Variants in RALGPS1 observed in about 807,000 individuals in gnomAD.
The protein encoded by RALGPS1 is Ral GEF with PH domain and SH3 binding motif 1.
In RALGPS1, 19 loss-of-function variants were observed where a neutral mutation model predicts 78.8. The ratio of observed to expected loss-of-function variants is 0.24; its 90% CI spans 0.17 to 0.35. The LOEUF is 0.35. Ranked by LOEUF, RALGPS1 falls within the 10% of genes least tolerant of loss-of-function variation. The pLI, the probability that RALGPS1 is intolerant of heterozygous loss-of-function variation, is 1.00. For synonymous variants in RALGPS1, 228 were observed against 256.3 expected, an observed-to-expected ratio of 0.89 and a Z score of 1.06; for missense variants, 454 against 688.3, an observed-to-expected ratio of 0.66 and a Z score of 3.81.
At chr9:126,970,928 T>A (rs913277641) in intron 3 of RALGPS1, among the ~76,000 whole-genome samples, 4 of 152,070 alleles carry the variant, frequency 2.6e-5, no homozygotes, top group Non-Finnish European at 5.9e-5. Flanking sequence ...AGCTAAGAGA[T>A]GTTAAGATCA....
intron 8 of RALGPS1, among the ~76,000 whole-genome samples, chr9:127,124,600 A>G (rs2056465295): frequency 6.6e-6 from 1 of 152,232 alleles, no homozygotes; most frequent in African/African-American, 2.4e-5. Context: ...AATTTGTTAC[A>G]CAGCATTAGT....
intron 1 of RALGPS1, among the ~76,000 whole-genome samples, chr9:126,953,886 T>A (rs1466049861): frequency 3.3e-5 from 5 of 152,180 alleles, no homozygotes; most frequent in Non-Finnish European, 7.3e-5. Flanking sequence ...TGCTGCTGTG[T>A]CCCCAGAGCC....
At position 126,977,639 on chromosome 9, in the gene RALGPS1, A is replaced by G; in HGVS notation, c.166-56A>G. On this transcript the variant is annotated intron_variant, in intron 3 of 18. Transcript: ENST00000259351. ...TGTATATGACTCTGTATAAAGTAAC[A>G]TGACAGTTATCTTTGATGTACAGTA... 4 of 1,245,356 alleles carry G rather than the reference A, an allele frequency of 3.2e-6. 1 individual carries two copies. The highest frequency in any genetic ancestry group is 2.6e-5 in the South Asian group (2 of 76,374). 77.1% of individuals were successfully genotyped at this position (1,245,356 alleles called of 1,614,324 possible).
rs945209720 is a variant in RALGPS1, at chr9:127,196,529, A to T, written c.1093A>T (p.Lys365Ter). 12 of 1,614,086 alleles carry T rather than the reference A, an allele frequency of 7.4e-6. No homozygotes were observed. The Admixed American group carries it at 1.3e-4, about 18-fold the overall frequency. Residue 365 changes from lysine to a stop codon, truncating the protein, a stop_gained, in exon 13 of 19, where the codon AAA (lysine) becomes TAA (stop). Coordinates refer to ENST00000259351, the MANE Select transcript of RALGPS1 (RefSeq NM_014636.3). LOFTEE classifies it high-confidence loss of function. ...TAAAAGTGCGACATTCCCATCGGAG[A>T]AAGCAAGGCACCTACTGGACGACAG... is the stretch of plus-strand genomic sequence containing the variant. Reference protein sequence around the residue: ...ESKSATFPSEKARHLLDDSVL... With the variant: ...ESKSATFPSE
At chr9:126,982,901 T>C (rs1034277368) in intron 4 of RALGPS1, among the ~76,000 whole-genome samples, 4 of 102,590 alleles carry the variant, frequency 3.9e-5, no homozygotes, top group Admixed American at 1.2e-4. Context: ...CTTCTCTTCT[T>C]TTCTTCTTCT....
intron 1 of RALGPS1, among the ~76,000 whole-genome samples, chr9:126,945,116 T>C (rs1481816938): frequency 6.6e-6 from 1 of 152,140 alleles, no homozygotes; most frequent in Admixed American, 6.5e-5. Context: ...AGTGGGCCAC[T>C]GTACTCCTTC....
At chr9:127,184,313 T>G in intron 11 of RALGPS1, 1 of 357,280 alleles carries the variant, frequency 2.8e-6, no homozygotes, top group Non-Finnish European at 5.3e-6. Context: ...GAGCAAGACC[T>G]TGTCTCAGGA....
At chr9:127,193,600 G>T (rs2061195216) in intron 11 of RALGPS1, among the ~76,000 whole-genome samples, 1 of 152,124 alleles carries the variant, frequency 6.6e-6, no homozygotes, top group South Asian at 2.1e-4. Context: ...ACAGTATACG[G>T]GCTGGGGGTG....
At chr9:127,210,604 A>G in intron 14 of RALGPS1, 1 of 954,090 alleles carries the variant, frequency 1.0e-6, no homozygotes, top group Non-Finnish European at 1.6e-6. Context: ...TTCCTGAGCT[A>G]ATTGACTATG....
At chr9:127,151,760 T>C (rs1400122286) in intron 8 of RALGPS1, among the ~76,000 whole-genome samples, 1 of 152,202 alleles carries the variant, frequency 6.6e-6, no homozygotes, top group African/African-American at 2.4e-5. Context: ...TATCTAGGGA[T>C]AGATAGATCT....
chr9:126,982,922 CTTCTTCTTTTTTTT>C (rs1352748383), intron 4 of RALGPS1, among the ~76,000 whole-genome samples: 3 of 71,130 alleles, frequency 4.2e-5, no homozygotes, highest in Non-Finnish European at 9.4e-5. Flanking sequence ...TCTTCTTCTT[CTTCTTCTTTTTTTT>C]TTTTTTTTTT....
At chr9:127,138,015 T>C (rs906995383) in intron 8 of RALGPS1, among the ~76,000 whole-genome samples, 2 of 152,152 alleles carry the variant, frequency 1.3e-5, no homozygotes, top group Non-Finnish European at 2.9e-5. Context: ...AGTGGCTGAT[T>C]ATCACAAAGG....
chr9:127,116,181 T>C (rs1265332128), intron 8 of RALGPS1, among the ~76,000 whole-genome samples: 2 of 152,096 alleles, frequency 1.3e-5, no homozygotes, highest in Non-Finnish European at 2.9e-5. Flanking sequence ...GTAAGACAGA[T>C]TTGCCTGGAG....
At chr9:127,131,885 A>G (rs988200068) in intron 8 of RALGPS1, among the ~76,000 whole-genome samples, 1 of 152,160 alleles carries the variant, frequency 6.6e-6, no homozygotes, top group Non-Finnish European at 1.5e-5. Flanking sequence ...TTTGCGCTTC[A>G]AGATCAACTG....
At chr9:127,207,499 AAAACAAACAAAC>A (rs369601624) in intron 14 of RALGPS1, among the ~76,000 whole-genome samples, 35 of 152,306 alleles carry the variant, frequency 2.3e-4, no homozygotes, top group Non-Finnish European at 4.4e-4. Context: ...CAGTTACCAA[AAAACAAACAAAC>A]AAACAAACAA....
At chr9:127,079,399 G>A (rs2050968130) in intron 8 of RALGPS1, among the ~76,000 whole-genome samples, 1 of 152,184 alleles carries the variant, frequency 6.6e-6, no homozygotes, top group African/African-American at 2.4e-5. Context: ...CTCTTCAGAT[G>A]GCCCCCGATG....
At chr9:126,968,746 AT>A (rs1476876887) in intron 3 of RALGPS1, among the ~76,000 whole-genome samples, 1 of 152,182 alleles carries the variant, frequency 6.6e-6, no homozygotes, top group African/African-American at 2.4e-5. Context: ...TACATATGCA[AT>A]TTAAAATTTT....
chr9:126,930,738 C>T (rs1032337237), intron 1 of RALGPS1, among the ~76,000 whole-genome samples: 2 of 152,202 alleles, frequency 1.3e-5, no homozygotes, highest in South Asian at 2.1e-4. Context: ...GGATTACAGG[C>T]GTGAGCCACT....
chr9:127,130,954 C>G (rs2056965092), intron 8 of RALGPS1, among the ~76,000 whole-genome samples: 1 of 152,260 alleles, frequency 6.6e-6, no homozygotes, highest in Non-Finnish European at 1.5e-5. Flanking sequence ...AGGGTTATCT[C>G]TTTCAACATA....
Sources: allele counts gnomAD v4.1 joint callset (sites outside exome capture counted in the v4.1 genomes callset), GRCh38; gene constraint gnomAD v4.1.1; transcripts MANE v1.5; gene names NCBI Gene and HGNC (gene_info 2026-07-23, HGNC 2026-07-21).